The following PDZRN4 variants were observed in gnomAD, a reference collection of about 807,000 sequenced individuals.
The protein encoded by PDZRN4 is PDZ domain-containing RING finger protein 4.
A neutral mutation model predicts 99.0 loss-of-function variants in PDZRN4; 70 were observed. The observed-to-expected ratio is 0.71, with a 90% CI of 0.58 to 0.86. The LOEUF is 0.86. Among genes scored for constraint, PDZRN4 ranks in the 40% least tolerant of loss-of-function variants. PDZRN4 has a pLI of 0.00. For missense variants in PDZRN4, 1,474 were observed against 1,331.2 expected (o/e 1.11, Z -1.67); for synonymous variants, 551 against 501.6 (o/e 1.10, Z -1.32).
Position 41,574,028 on chromosome 12 carries a change from T to C in PDZRN4, c.*138T>C, listed in dbSNP as rs909937864. ...GTTTAAATTTTTTGTAAGCAAAAAA[T>C]ACCTGGTAATTTTTCATTTGTTTTT... On this transcript the variant is annotated 3_prime_UTR_variant, in exon 10 of 10. Coordinates refer to ENST00000402685, the MANE Select transcript of PDZRN4 (RefSeq NM_001164595.2). 4.0e-6 allele frequency: 2 copies of C among 495,298 alleles called. No individual in the cohort carries two copies. The highest frequency in any genetic ancestry group is 6.8e-6 in the Non-Finnish European group (2 of 291,980). The allele number at this position is 495,298 out of a possible 1,614,324, so 30.7% of individuals were successfully genotyped here.
intron 3 of PDZRN4, among the ~76,000 whole-genome samples, chr12:41,281,801 G>T (rs1951387702): frequency 6.6e-6 from 1 of 151,550 alleles, no homozygotes; most frequent in Admixed American, 6.6e-5. Flanking sequence ...AGTTCAGGAT[G>T]CTTTCCTTGC....
chr12:41,558,729 T>G (rs1291563734), intron 7 of PDZRN4, among the ~76,000 whole-genome samples: 1 of 152,218 alleles, frequency 6.6e-6, no homozygotes, highest in Non-Finnish European at 1.5e-5. Flanking sequence ...TACTTTATAT[T>G]CTGTGACAAA....
chr12:41,324,573 G>C (rs888829855), intron 3 of PDZRN4, among the ~76,000 whole-genome samples: 4 of 152,042 alleles, frequency 2.6e-5, no homozygotes, highest in Admixed American at 2.6e-4. Context: ...CAACTGGTTT[G>C]TCATACATGT....
At chr12:41,534,864 A>G (rs1290600362) in intron 5 of PDZRN4, among the ~76,000 whole-genome samples, 1 of 152,170 alleles carries the variant, frequency 6.6e-6, no homozygotes, top group Non-Finnish European at 1.5e-5. Context: ...TTCATCAGTT[A>G]CACAATATTC....
rs1264535767 is a variant in PDZRN4 at position 41,487,784 on chromosome 12, G to A, written c.844-18672G>A. 3.3e-5 allele frequency among the ~76,000 whole-genome samples: 5 copies of A among 152,096 alleles called. No homozygotes were observed. The East Asian group carries it at 5.8e-4, about 18-fold the overall frequency. On this transcript the variant is annotated intron_variant, in intron 3 of 9. Transcript: ENST00000402685. ...ACACTTGATCACCTCTTTCCACATC[G>A]TGCTCAGCCACCCTTAATGAGGAAA...
chr12:41,487,837 G>T (rs1460694331), intron 3 of PDZRN4, among the ~76,000 whole-genome samples: 1 of 152,210 alleles, frequency 6.6e-6, no homozygotes, highest in Non-Finnish European at 1.5e-5. Flanking sequence ...GCTTCTTAAA[G>T]TGAGAATTTT....
intron 3 of PDZRN4, among the ~76,000 whole-genome samples, chr12:41,397,249 C>G (rs1044993760): frequency 6.6e-6 from 1 of 152,082 alleles, no homozygotes; most frequent in African/African-American, 2.4e-5. Context: ...ACTTCATTGA[C>G]CTCTCTCTCC....
chr12:41,393,598 T>C (rs553931542), intron 3 of PDZRN4, among the ~76,000 whole-genome samples: 130 of 152,350 alleles, frequency 8.5e-4, no homozygotes, highest in African/African-American at 2.9e-3. Flanking sequence ...TAGATATCTA[T>C]TATTGTATAA....
At chr12:41,518,929 C>T (rs1938448195) in intron 5 of PDZRN4, among the ~76,000 whole-genome samples, 1 of 151,880 alleles carries the variant, frequency 6.6e-6, no homozygotes, top group African/African-American at 2.4e-5. Context: ...GCCTGGGTGA[C>T]AAAGCAAGAC....
chr12:41,321,079 A>C (rs963208546), intron 3 of PDZRN4, among the ~76,000 whole-genome samples: 4 of 152,132 alleles, frequency 2.6e-5, no homozygotes, highest in Admixed American at 1.3e-4. Flanking sequence ...TTTCAGCATA[A>C]ATTTCTAAAA....
At chr12:41,544,719 T>C (rs953795874) in intron 5 of PDZRN4, among the ~76,000 whole-genome samples, 4 of 152,100 alleles carry the variant, frequency 2.6e-5, no homozygotes, top group African/African-American at 4.8e-5. Context: ...ATCAGTGAAA[T>C]TTTGATAGAG....
chr12:41,425,677 T>G (rs755799871), intron 3 of PDZRN4, among the ~76,000 whole-genome samples: 2 of 152,226 alleles, frequency 1.3e-5, no homozygotes, highest in Non-Finnish European at 2.9e-5. Flanking sequence ...GATTCACTTT[T>G]TATTCAACTT....
chr12:41,522,048 A>G (rs1221625819), intron 5 of PDZRN4, among the ~76,000 whole-genome samples: 1 of 152,094 alleles, frequency 6.6e-6, no homozygotes, highest in Non-Finnish European at 1.5e-5. Flanking sequence ...ATAATCCTTA[A>G]AGAATTTTTC....
chr12:41,348,752 A>G (rs1402312985), intron 3 of PDZRN4, among the ~76,000 whole-genome samples: 1 of 152,006 alleles, frequency 6.6e-6, no homozygotes. Flanking sequence ...TAAATGAAAC[A>G]CCATTTTTAT....
chr12:41,518,429 A>T (rs2733286), intron 5 of PDZRN4, among the ~76,000 whole-genome samples: 85,900 of 151,820 alleles, frequency 0.57, 25,884 homozygotes, highest in African/African-American at 0.79. Context: ...GGTTTCAGCA[A>T]TTTTTCCAGA....
intron 3 of PDZRN4, among the ~76,000 whole-genome samples, chr12:41,232,123 A>G (rs1431657220): frequency 1.3e-5 from 2 of 152,066 alleles, no homozygotes; most frequent in East Asian, 1.9e-4. Context: ...TGCCATCTGA[A>G]GCAGTGGAAC....
At chr12:41,269,193 G>T (rs1189462343) in intron 3 of PDZRN4, among the ~76,000 whole-genome samples, 1 of 152,138 alleles carries the variant, frequency 6.6e-6, no homozygotes, top group Non-Finnish European at 1.5e-5. Context: ...CATGAAAATG[G>T]AAAGCACCTA....
intron 3 of PDZRN4, among the ~76,000 whole-genome samples, chr12:41,475,881 A>C (rs114725412): frequency 0.019 from 2,848 of 152,156 alleles, 88 homozygotes; most frequent in African/African-American, 0.063. Flanking sequence ...CCGGGAGTAA[A>C]TGTTGTCTGT....
intron 3 of PDZRN4, among the ~76,000 whole-genome samples, chr12:41,294,181 A>G (rs1408551641): frequency 6.6e-6 from 1 of 152,124 alleles, no homozygotes; most frequent in Non-Finnish European, 1.5e-5. Flanking sequence ...TTCTCTTTGC[A>G]GTGTAGTGTT....
Sources: gnomAD v4.1 joint callset for allele counts (sites outside exome capture counted in the v4.1 genomes callset) on GRCh38, gnomAD v4.1.1 for gene constraint, MANE v1.5 for transcripts, NCBI Gene and HGNC (gene_info 2026-07-23, HGNC 2026-07-21) for gene names.